COL27A1: variants seen among roughly 807,000 people sequenced by gnomAD.
COL27A1 encodes collagen type XXVII alpha 1 chain.
Under a neutral mutation model 251.3 loss-of-function variants are expected in COL27A1, and 106 were observed. The ratio of observed to expected loss-of-function variants is 0.42; its 90% CI spans 0.36 to 0.50. The LOEUF is 0.50. Ranked by LOEUF, COL27A1 falls within the 20% of genes least tolerant of loss-of-function variation. The probability of loss-of-function intolerance (pLI) is 0.00; values close to 1 mark genes in which losing one functional copy is unlikely to be tolerated. For synonymous variants in COL27A1, 1,000 were observed against 986.3 expected, an observed-to-expected ratio of 1.01 and a Z score of -0.26; for missense variants, 2,325 against 2,522.8, an observed-to-expected ratio of 0.92 and a Z score of 1.68.
rs373628475 is a variant in COL27A1, at chr9:114,168,409, G to T, written c.854G>T (p.Gly285Val). 1.2e-6 allele frequency: 2 copies of T among 1,613,378 alleles called. No homozygotes were observed. Among genetic ancestry groups the T allele is most frequent in the African/African-American group, 1.3e-5 (1 of 75,000 alleles). The change falls in exon 3 of 61, where the codon GGC (glycine) becomes GTC (valine). Residue 285 changes from glycine (G) to valine (V), a missense_variant. Coordinates refer to ENST00000356083, the MANE Select transcript of COL27A1 (RefSeq NM_032888.4). ...CCAGCCCTGGGGTCACTGCCAGCAG[G>T]CAGGGGACCCAGGGGGACTGTGGCA... Reference protein sequence around the residue: ...ATPALGSLPAGRGPRGTVAPA... With the variant: ...ATPALGSLPAVRGPRGTVAPA...
intron 15 of COL27A1, 141 bp from the exon 16 acceptor site, chr9:114,231,681 C>A: frequency 1.2e-6 from 1 of 812,712 alleles, no homozygotes; most frequent in South Asian, 1.5e-5. Context: ...AGATTGGAGT[C>A]ATTTGCCCCC....
At chr9:114,172,822 A>G (rs1849417097) in intron 3 of COL27A1, among the ~76,000 whole-genome samples, 1 of 152,050 alleles carries the variant, frequency 6.6e-6, no homozygotes, top group African/African-American at 2.4e-5. Context: ...AAATGAAGTA[A>G]TTTGGGCTAT....
intron 1 of COL27A1, 123 bp downstream of exon 1, chr9:114,156,135 C>G: frequency 8.0e-7 from 1 of 1,257,232 alleles, no homozygotes; most frequent in Non-Finnish European, 1.0e-6. Flanking sequence ...CCTTCCTGCG[C>G]CCCCGCGAGG....
At chr9:114,156,892 GGC>G (rs1848155174) in intron 1 of COL27A1, among the ~76,000 whole-genome samples, 1 of 152,062 alleles carries the variant, frequency 6.6e-6, no homozygotes. Context: ...GCCTGTGGAC[GGC>G]GCTCCTCTCT....
At chr9:114,296,858 C>A (rs1828292000) in intron 49 of COL27A1, among the ~76,000 whole-genome samples, 1 of 152,082 alleles carries the variant, frequency 6.6e-6, no homozygotes, top group Non-Finnish European at 1.5e-5. Flanking sequence ...CAATGAAATA[C>A]AATTCATCAG....
rs762319177 is a variant in COL27A1 at position 114,301,107 on chromosome 9, G to A, written c.4737G>A (p.Leu1579=). Residue 1579 remains leucine, a synonymous_variant, in exon 52 of 61, where the codon CTG becomes CTA. Coordinates refer to ENST00000356083, the MANE Select transcript of COL27A1 (RefSeq NM_032888.4). ...KEGIVGPLGI[L]GPSGLPGPKG... is the part of the protein sequence containing the mutation. Reference sequence around the variant, plus strand: ...GCATCGTCGGGCCCCTCGGAATCCTGGGACCTTCGGGACTCCCGGTATGTG... The same window carrying A: ...GCATCGTCGGGCCCCTCGGAATCCTAGGACCTTCGGGACTCCCGGTATGTG... 6.2e-7 allele frequency: 1 copy of A among 1,613,458 alleles called. No individual in the cohort carries two copies. Among genetic ancestry groups the A allele is most frequent in the Non-Finnish European group, 8.5e-7 (1 of 1,179,666 alleles).
At chr9:114,156,743 G>T (rs965532732) in intron 1 of COL27A1, among the ~76,000 whole-genome samples, 1 of 152,168 alleles carries the variant, frequency 6.6e-6, no homozygotes, top group Non-Finnish European at 1.5e-5. Context: ...TCCCAGGAGC[G>T]GCTGCGCGGA....
intron 3 of COL27A1, among the ~76,000 whole-genome samples, chr9:114,171,220 T>G (rs1266128027): frequency 6.6e-6 from 1 of 152,142 alleles, no homozygotes; most frequent in African/African-American, 2.4e-5. Flanking sequence ...TCAACTTTCC[T>G]CATTGGGCAG....
chr9:114,168,505 C>A lies in COL27A1; in HGVS notation c.950C>A (p.Pro317Gln), dbSNP rs768777299. The A allele has an allele frequency of 6.2e-7, 1 of 1,613,932 alleles. No homozygotes were observed. The change falls in exon 3 of 61, where the codon CCA becomes CAA. Residue 317 changes from proline (P) to glutamine (Q), a missense_variant. Pro to Gln is a moderately conservative substitution (Grantham distance 76). This residue lies in a region of COL27A1 where 1,183 missense variants were observed against 1,144.1 expected (regional missense o/e 1.03). Coordinates refer to ENST00000356083, the MANE Select transcript of COL27A1 (RefSeq NM_032888.4). ...NPHQHMAVGGPAQTPLLPAKL... is the reference protein window; with the variant it reads ...NPHQHMAVGGQAQTPLLPAKL... ...CACCAGCATATGGCGGTGGGAGGCC[C>A]AGCCCAAACCCCGCTGCTACCTGCC...
chr9:114,309,830 G>A (rs969600996), intron 60 of COL27A1, among the ~76,000 whole-genome samples: 2 of 152,186 alleles, frequency 1.3e-5, no homozygotes, highest in Non-Finnish European at 2.9e-5. Flanking sequence ...ATTTTCAAAT[G>A]TCCTGAACAG....
At chr9:114,299,897 G>A (rs1054115384) in intron 49 of COL27A1, among the ~76,000 whole-genome samples, 173 bp from the exon 50 acceptor site, 6 of 152,298 alleles carry the variant, frequency 3.9e-5, no homozygotes, top group Admixed American at 3.9e-4. Flanking sequence ...GAGCCCAGGC[G>A]GACTGGCATC....
At chr9:114,300,493 C>T (rs1828540754) in intron 50 of COL27A1, 132 bp from the exon 51 acceptor site, 2 of 637,396 alleles carry the variant, frequency 3.1e-6, no homozygotes, top group South Asian at 2.2e-5. Context: ...CTTACTCCTT[C>T]TGGGGCCTCT....
chr9:114,292,255 G>T, intron 49 of COL27A1, 45 bp downstream of exon 49: 1 of 1,408,502 alleles, frequency 7.1e-7, no homozygotes, highest in Non-Finnish European at 9.8e-7. Context: ...ACTCACACAT[G>T]CACACACTCA....
At chr9:114,205,566 G>T (rs1829893690) in intron 8 of COL27A1, among the ~76,000 whole-genome samples, 193 bp from the exon 9 acceptor site, 1 of 152,332 alleles carries the variant, frequency 6.6e-6, no homozygotes, top group Non-Finnish European at 1.5e-5. Flanking sequence ...AAGCAGAGGG[G>T]GTTTTGTCCC....
upstream of COL27A1, among the ~76,000 whole-genome samples, chr9:114,154,430 C>A (rs979319300): frequency 6.6e-6 from 1 of 150,650 alleles, no homozygotes; most frequent in Non-Finnish European, 1.5e-5. This position sits in a 1 kb window ranked among gnomAD's most constrained non-coding sequence, Gnocchi z 5.8. Flanking sequence ...TGTGCGCGCG[C>A]CTAAAGGTGT....
At chr9:114,176,827 TCTC>T (rs1239104065) in intron 3 of COL27A1, among the ~76,000 whole-genome samples, 2 of 152,148 alleles carry the variant, frequency 1.3e-5, no homozygotes, top group Non-Finnish European at 2.9e-5. Flanking sequence ...TGTCTGGATC[TCTC>T]CTCTGATTTT....
rs531947097 is a variant in COL27A1 at position 114,185,309 on chromosome 9, C to G, written c.2016+2234C>G. On this transcript the variant is annotated intron_variant, in intron 5 of 60. Coordinates refer to ENST00000356083, the MANE Select transcript of COL27A1 (RefSeq NM_032888.4). ...TGGGTTCTATAAAATACACTGGAAT[C>G]AGAGGCTGCTTCTCTCATTGGGACT... is the stretch of plus-strand genomic sequence containing the variant. 2.0e-5 allele frequency among the ~76,000 whole-genome samples: 3 copies of G among 152,346 alleles called. No homozygotes were observed. The East Asian group carries it at 5.8e-4, about 29-fold the overall frequency.
intron 6 of COL27A1, 73 bp from the exon 7 acceptor site, chr9:114,195,886 C>A: frequency 8.6e-7 from 1 of 1,158,252 alleles, no homozygotes; most frequent in Non-Finnish European, 1.3e-6. Context: ...AGTTACCATT[C>A]CAATTTGTAG....
intron 2 of COL27A1, among the ~76,000 whole-genome samples, chr9:114,164,740 A>AC (rs1328974769): frequency 6.6e-6 from 1 of 152,240 alleles, no homozygotes; most frequent in African/African-American, 2.4e-5. Context: ...GTATTTCATG[A>AC]TAATAAGAGG....
Sources: gnomAD v4.1 joint callset for allele counts (sites outside exome capture counted in the v4.1 genomes callset) on GRCh38, gnomAD v4.1.1 for gene constraint, gnomAD v4.1.1 regional missense constraint, Gnocchi (gnomAD v3.1) non-coding constraint, MANE v1.5 for transcripts, NCBI Gene and HGNC (gene_info 2026-07-23, HGNC 2026-07-21) for gene names.